Variants in ANKRD33B observed in about 807,000 individuals in gnomAD.
ANKRD33B encodes ankyrin repeat domain 33B.
Under a neutral mutation model 21.5 loss-of-function variants are expected in ANKRD33B, and 6 were observed. That is an observed-to-expected ratio of 0.28 (90% CI 0.15 to 0.55). The LOEUF (loss-of-function observed/expected upper bound fraction) is 0.55. ANKRD33B is among the 20% of genes least tolerant of loss of function. The pLI, the probability that ANKRD33B is intolerant of heterozygous loss-of-function variation, is 0.94. For synonymous variants in ANKRD33B, 347 were observed against 342.4 expected (o/e 1.01, Z -0.15); for missense variants, 698 against 747.2 (o/e 0.93, Z 0.77).
Position 10,650,344 on chromosome 5 carries a change from A to G in ANKRD33B, c.*231A>G. ...CTAGCAATCAGTACACCTAGCGGGC[A>G]CGTTGCCTAAAAGGCTCCCTTTAGA... On this transcript the variant is annotated 3_prime_UTR_variant, in exon 4 of 4. Coordinates refer to ENST00000296657, the MANE Select transcript of ANKRD33B (RefSeq NM_001164440.2). The G allele has an allele frequency of 2.7e-6, 1 of 368,768 alleles. No homozygotes were observed. Among genetic ancestry groups the G allele is most frequent in the South Asian group, 1.2e-4 (1 of 8,224 alleles). 22.8% of individuals were successfully genotyped at this position (368,768 alleles called of 1,614,324 possible).
At position 10,564,440 on chromosome 5, in the gene ANKRD33B, G is replaced by A; in HGVS notation, c.-28G>A. 1 of 1,075,352 alleles carries A rather than the reference G, an allele frequency of 9.3e-7. No individual in the cohort carries two copies. 66.6% of individuals were successfully genotyped at this position (1,075,352 alleles called of 1,614,324 possible). A position where few individuals can be genotyped will look rare whatever the true frequency, so the allele number is the denominator to read the frequency against. The stretch of plus-strand genomic sequence containing the variant: ...TCCCGCTCTTCCTGCCCGCGCCCCG[G>A]CCCCCGGCCCGCGCCCCGGCCGCCG... On this transcript the variant is annotated 5_prime_UTR_variant, in exon 1 of 4. Transcript: ENST00000296657.
At chr5:10,603,061 G>T (rs753267420) in intron 1 of ANKRD33B, among the ~76,000 whole-genome samples, 34 of 151,952 alleles carry the variant, frequency 2.2e-4, no homozygotes, top group Middle Eastern at 3.4e-3. Flanking sequence ...CCATCCTCCC[G>T]TCTCAGCCTC....
chr5:10,599,633 G>A (rs542709333), intron 1 of ANKRD33B, among the ~76,000 whole-genome samples: 38 of 152,236 alleles, frequency 2.5e-4, no homozygotes, highest in Admixed American at 1.5e-3. Flanking sequence ...GATATGCTCA[G>A]TGTTCATCTA....
At chr5:10,621,233 C>CTT (rs1736412877) in intron 2 of ANKRD33B, among the ~76,000 whole-genome samples, 1 of 152,140 alleles carries the variant, frequency 6.6e-6, no homozygotes, top group Non-Finnish European at 1.5e-5. Context: ...TGTCTGTAAC[C>CTT]AGCTGTATCT....
chr5:10,652,749 C>T lies in ANKRD33B; in HGVS notation c.*2636C>T. ...CTGGAGTGGACGTGTTGCGGCCCTG[C>T]CCCCGATGTGTTCCAGCCTCATCCA... On this transcript the variant is annotated 3_prime_UTR_variant, in exon 4 of 4. Coordinates refer to ENST00000296657, the MANE Select transcript of ANKRD33B (RefSeq NM_001164440.2). The surrounding 1 kb of genome is among the most constrained non-coding windows in gnomAD (Gnocchi z 4.1). 1 of 213,502 alleles carries T rather than the reference C, an allele frequency of 4.7e-6. No individual in the cohort carries two copies. Among genetic ancestry groups the T allele is most frequent in the Non-Finnish European group, 1.0e-5 (1 of 99,738 alleles). The allele number at this position is 213,502 out of a possible 1,614,324, so 13.2% of individuals were successfully genotyped here. A position where few individuals can be genotyped will look rare whatever the true frequency, so the allele number is the denominator to read the frequency against.
chr5:10,564,903 C>G, intron 1 of ANKRD33B, 70 bp downstream of exon 1: 1 of 1,436,432 alleles, frequency 7.0e-7, no homozygotes, highest in Non-Finnish European at 9.1e-7. Context: ...ACCACATCCC[C>G]GCGCCTCCCA....
At position 10,649,315 on chromosome 5, in the gene ANKRD33B, G is replaced by A; in HGVS notation, c.687G>A (p.Glu229=). The A allele has an allele frequency of 6.5e-7, 1 of 1,533,834 alleles. No individual in the cohort carries two copies. ...CCCGCCGTGGGATGTCGCCGCAGGAGTGGGCCACTTACACGGGCCGCGTGG... is the reference window on the plus strand; with the variant it reads ...CCCGCCGTGGGATGTCGCCGCAGGAATGGGCCACTTACACGGGCCGCGTGG... ...RDPRRGMSPQ[E]WATYTGRVDA... is the part of the protein sequence containing the mutation. The change falls in exon 4 of 4, where the codon GAG becomes GAA. Residue 229 remains glutamate (E), a synonymous_variant. Transcript: ENST00000296657.
chr5:10,626,861 G>A (rs1427154510), intron 2 of ANKRD33B, among the ~76,000 whole-genome samples: 19 of 152,234 alleles, frequency 1.2e-4, no homozygotes, highest in Admixed American at 1.2e-3. Flanking sequence ...ATGGAGGATG[G>A]CTTGTGTAGA....
At chr5:10,567,617 A>G (rs1229915937) in intron 1 of ANKRD33B, among the ~76,000 whole-genome samples, 1 of 152,214 alleles carries the variant, frequency 6.6e-6, no homozygotes, top group East Asian at 1.9e-4. Flanking sequence ...CCTCTTGTCC[A>G]AGCCTACAGA....
chr5:10,610,433 C>T (rs2126575958), intron 1 of ANKRD33B, among the ~76,000 whole-genome samples: 1 of 151,764 alleles, frequency 6.6e-6, no homozygotes, highest in South Asian at 2.1e-4. Context: ...TATCTGGCCC[C>T]ACATGTCAAT....
chr5:10,607,253 G>C (rs566088230), intron 1 of ANKRD33B, among the ~76,000 whole-genome samples: 1 of 152,138 alleles, frequency 6.6e-6, no homozygotes, highest in Admixed American at 6.6e-5. Context: ...TTTGCCTCTC[G>C]CTCATTCATG....
rs1736196938 is a variant in ANKRD33B, at chr5:10,612,612, A to G, written c.367-5721A>G. On this transcript the variant is annotated intron_variant, in intron 1 of 3. Transcript: ENST00000296657. Reference sequence around the variant, plus strand: ...GAGTATTCTTGCATTACCTGTGTGAACTGAACCAGGAAGTTGTCCCCTCAC... The same window carrying G: ...GAGTATTCTTGCATTACCTGTGTGAGCTGAACCAGGAAGTTGTCCCCTCAC... Among the ~76,000 whole-genome samples, 4 of 152,224 alleles carry G rather than the reference A, an allele frequency of 2.6e-5. No homozygotes were observed. The South Asian group carries it at 8.3e-4, about 32-fold the overall frequency.
chr5:10,582,870 G>A (rs564564334), intron 1 of ANKRD33B, among the ~76,000 whole-genome samples: 26 of 152,270 alleles, frequency 1.7e-4, no homozygotes, highest in Non-Finnish European at 3.1e-4. Context: ...TATATTGATT[G>A]GTGGATATTT....
At chr5:10,642,692 T>C (rs1737088774) in intron 3 of ANKRD33B, among the ~76,000 whole-genome samples, 1 of 152,162 alleles carries the variant, frequency 6.6e-6, no homozygotes, top group African/African-American at 2.4e-5. Context: ...CCTTCGGACA[T>C]GTTGGTTGTG....
chr5:10,596,916 T>A, intron 1 of ANKRD33B, among the ~76,000 whole-genome samples: 1 of 152,126 alleles, frequency 6.6e-6, no homozygotes. Context: ...GAAAAAAAAA[T>A]TCCAACTCAG....
chr5:10,608,838 G>A (rs904216499), intron 1 of ANKRD33B, among the ~76,000 whole-genome samples: 1 of 152,188 alleles, frequency 6.6e-6, no homozygotes, highest in Non-Finnish European at 1.5e-5. Flanking sequence ...AAGTGGTGTC[G>A]AGAAAACAAT....
chr5:10,632,703 G>A lies in ANKRD33B; in HGVS notation c.497-5325G>A, dbSNP rs114258930. Among the ~76,000 whole-genome samples the A allele has an allele frequency of 4.4e-3, 676 of 152,340 alleles. 12 individuals carry two copies. Among genetic ancestry groups the A allele is most frequent in the Non-Finnish European group, 6.2e-3 (420 of 68,030 alleles). On this transcript the variant is annotated intron_variant, in intron 2 of 3. Coordinates refer to ENST00000296657, the MANE Select transcript of ANKRD33B (RefSeq NM_001164440.2). ...GGGTGGAGAGGCCCCACACCAGGCC[G>A]CACAGCCAGCTGTGAATCATGGTCC...
chr5:10,629,929 T>G (rs532713261), intron 2 of ANKRD33B, among the ~76,000 whole-genome samples: 1 of 152,240 alleles, frequency 6.6e-6, no homozygotes, highest in Non-Finnish European at 1.5e-5. Flanking sequence ...TGTAAGAAGG[T>G]CACTGGGGAC....
At chr5:10,597,863 T>C (rs1268864586) in intron 1 of ANKRD33B, among the ~76,000 whole-genome samples, 1 of 152,226 alleles carries the variant, frequency 6.6e-6, no homozygotes, top group Non-Finnish European at 1.5e-5. Context: ...AAACTAATTA[T>C]GCTTTCTAAT....
Sources: allele counts gnomAD v4.1 joint callset (sites outside exome capture counted in the v4.1 genomes callset), GRCh38; gene constraint gnomAD v4.1.1; non-coding constraint Gnocchi (gnomAD v3.1); transcripts MANE v1.5; gene names NCBI Gene and HGNC (gene_info 2026-07-23, HGNC 2026-07-21).